LRRC28: variants seen among roughly 807,000 people sequenced by gnomAD.
LRRC28 encodes leucine-rich repeat-containing protein 28.
Under a neutral mutation model 45.7 loss-of-function variants are expected in LRRC28, and 39 were observed. The observed-to-expected ratio is 0.85, with a 90% CI of 0.66 to 1.12. The LOEUF (loss-of-function observed/expected upper bound fraction) is 1.12, where lower values mean the gene tolerates loss of function less well. LRRC28 is among the 50% of genes most tolerant of loss of function. LRRC28 has a pLI of 0.00. For missense variants in LRRC28, 435 were observed against 438.5 expected (o/e 0.99, Z 0.07); for synonymous variants, 206 against 178.8 (o/e 1.15, Z -1.22).
intron 3 of LRRC28, among the ~76,000 whole-genome samples, chr15:99,284,277 G>T (rs2081895162): frequency 6.6e-6 from 1 of 151,844 alleles, no homozygotes; most frequent in African/African-American, 2.4e-5. Flanking sequence ...GCAACACTCT[G>T]TTATCTTTTT....
chr15:99,339,047 C>T (rs1026122639), intron 6 of LRRC28, among the ~76,000 whole-genome samples: 2 of 152,076 alleles, frequency 1.3e-5, no homozygotes, highest in African/African-American at 4.8e-5. Context: ...ATAGAGGCCT[C>T]GAGACGTGAA....
At chr15:99,304,527 T>G (rs1448902083) in intron 5 of LRRC28, among the ~76,000 whole-genome samples, 1 of 152,094 alleles carries the variant, frequency 6.6e-6, no homozygotes, top group South Asian at 2.1e-4. Flanking sequence ...GCCTCCTGGG[T>G]TAAAGTGATT....
intron 9 of LRRC28, among the ~76,000 whole-genome samples, chr15:99,373,808 T>C (rs1217113286): frequency 6.6e-6 from 1 of 152,214 alleles, no homozygotes; most frequent in Non-Finnish European, 1.5e-5. Context: ...TCTTCTGTTT[T>C]GATAAAGTTA....
At chr15:99,296,407 A>C (rs1253459749) in intron 5 of LRRC28, among the ~76,000 whole-genome samples, 1 of 152,154 alleles carries the variant, frequency 6.6e-6, no homozygotes, top group Admixed American at 6.5e-5. Context: ...CCAGATATTC[A>C]AGGCTCTTCA....
At chr15:99,276,448 GATTA>G in intron 2 of LRRC28, 124 bp from the exon 3 acceptor site, 2 of 618,180 alleles carry the variant, frequency 3.2e-6, no homozygotes, top group South Asian at 2.4e-5. Context: ...CAGACCTGCT[GATTA>G]ATTATTTTCA....
At chr15:99,353,458 A>G (rs1322762432) in intron 7 of LRRC28, among the ~76,000 whole-genome samples, 1 of 152,192 alleles carries the variant, frequency 6.6e-6, no homozygotes, top group East Asian at 1.9e-4. Flanking sequence ...GGGAAAGCCC[A>G]AGATGAGTTC....
At chr15:99,295,710 T>A (rs1262979650) in intron 5 of LRRC28, among the ~76,000 whole-genome samples, 1 of 152,226 alleles carries the variant, frequency 6.6e-6, no homozygotes. Flanking sequence ...CTTGAAAAGT[T>A]GTTTTGCATA....
intron 9 of LRRC28, among the ~76,000 whole-genome samples, chr15:99,380,742 C>G (rs1957794846): frequency 6.6e-6 from 1 of 152,198 alleles, no homozygotes; most frequent in Non-Finnish European, 1.5e-5. Context: ...GTGACAAAAT[C>G]TCTCAGCATT....
intron 5 of LRRC28, among the ~76,000 whole-genome samples, chr15:99,296,225 C>T (rs1000554706): frequency 6.6e-6 from 1 of 152,216 alleles, no homozygotes; most frequent in Non-Finnish European, 1.5e-5. Context: ...TATTTGAATT[C>T]CCTGTGTTAC....
In LRRC28 at chr15:99,381,230, T is replaced by G. The variant is rs375526375; in HGVS notation, c.1032-4800T>G. Among the ~76,000 whole-genome samples the G allele has an allele frequency of 1.1e-4, 17 of 152,312 alleles. No homozygotes were observed. The East Asian group carries it at 2.5e-3, about 22-fold the overall frequency. On this transcript the variant is annotated intron_variant, in intron 9 of 9. Coordinates refer to ENST00000301981, the MANE Select transcript of LRRC28 (RefSeq NM_144598.5). Reference sequence around the variant, plus strand: ...ATATTTCTTGGAGGCTTTGTTTGTTTCTTTTTACTCTTTTTTCTCTTAACT... The same window carrying G: ...ATATTTCTTGGAGGCTTTGTTTGTTGCTTTTTACTCTTTTTTCTCTTAACT...
intron 2 of LRRC28, among the ~76,000 whole-genome samples, chr15:99,270,836 A>G (rs2081458758): frequency 6.6e-6 from 1 of 152,190 alleles, no homozygotes; most frequent in Non-Finnish European, 1.5e-5. Context: ...TTAACTTTTG[A>G]GGAGCCACCA....
At chr15:99,307,202 G>A (rs560607144) in intron 5 of LRRC28, among the ~76,000 whole-genome samples, 2 of 152,246 alleles carry the variant, frequency 1.3e-5, no homozygotes, top group South Asian at 2.1e-4. Context: ...CTAATACTTG[G>A]GACACTGTGG....
chr15:99,385,464 C>G (rs1238951128), intron 9 of LRRC28, among the ~76,000 whole-genome samples: 1 of 152,240 alleles, frequency 6.6e-6, no homozygotes, highest in Non-Finnish European at 1.5e-5. Flanking sequence ...CCCTGGGGCT[C>G]ATGACTCACG....
Position 99,286,988 on chromosome 15 carries a change from A to C in LRRC28, c.210-269A>C, listed in dbSNP as rs1192429670. 8.9e-5 allele frequency: 26 copies of C among 293,484 alleles called. No individual in the cohort carries two copies. The East Asian group carries it at 1.7e-3, about 19-fold the overall frequency. The allele number at this position is 293,484 out of a possible 1,614,324, so 18.2% of individuals were successfully genotyped here. A position where few individuals can be genotyped will look rare whatever the true frequency, so the allele number is the denominator to read the frequency against. ...TGTGTTATGAAGTTAAAAAGACCTT[A>C]TAGTTTATCCATTATGTATGCTTTT... On this transcript the variant is annotated intron_variant, in intron 3 of 9. Coordinates refer to ENST00000301981, the MANE Select transcript of LRRC28 (RefSeq NM_144598.5).
intron 9 of LRRC28, among the ~76,000 whole-genome samples, chr15:99,379,856 T>G (rs1394696793): frequency 1.3e-5 from 2 of 152,242 alleles, no homozygotes; most frequent in Non-Finnish European, 2.9e-5. Context: ...GAGTTTTGAG[T>G]GAGTTTCTTA....
chr15:99,370,643 A>G (rs981651597), intron 9 of LRRC28, among the ~76,000 whole-genome samples: 5 of 152,248 alleles, frequency 3.3e-5, no homozygotes, highest in Non-Finnish European at 7.3e-5. Flanking sequence ...AACTGTATAC[A>G]TATTAAAAAA....
intron 5 of LRRC28, among the ~76,000 whole-genome samples, chr15:99,295,724 A>G (rs1333596330): frequency 6.6e-6 from 1 of 152,220 alleles, no homozygotes; most frequent in African/African-American, 2.4e-5. Context: ...TTGCATACCA[A>G]AAAAGGAAGG....
At chr15:99,385,921 G>C (rs1957972433) in intron 9 of LRRC28, 109 bp from the exon 10 acceptor site, 1 of 932,234 alleles carries the variant, frequency 1.1e-6, no homozygotes, top group Non-Finnish European at 1.8e-6. Context: ...GCAGTTTGTT[G>C]ACCATGGCTA....
intron 2 of LRRC28, among the ~76,000 whole-genome samples, chr15:99,261,240 G>A (rs2081189708): frequency 6.6e-6 from 1 of 152,160 alleles, no homozygotes; most frequent in African/African-American, 2.4e-5. Context: ...ACCGGTATAT[G>A]CCCTTATGTC....
Sources: gnomAD v4.1 joint callset for allele counts (sites outside exome capture counted in the v4.1 genomes callset) on GRCh38, gnomAD v4.1.1 for gene constraint, MANE v1.5 for transcripts, NCBI Gene and HGNC (gene_info 2026-07-23, HGNC 2026-07-21) for gene names.